CACNA1D: variants seen among roughly 807,000 people sequenced by gnomAD.
The protein encoded by CACNA1D is calcium voltage-gated channel subunit alpha1 D, also known as voltage-dependent L-type calcium channel subunit alpha-1D.
In CACNA1D, 55 loss-of-function variants were observed where a neutral mutation model predicts 257.1. The observed-to-expected ratio is 0.21, with a 90% CI of 0.17 to 0.27. The LOEUF (loss-of-function observed/expected upper bound fraction) is 0.27, where lower values mean the gene tolerates loss of function less well. CACNA1D is among the 10% of genes least tolerant of loss of function. The probability of loss-of-function intolerance (pLI) is 1.00; values close to 1 mark genes in which losing one functional copy is unlikely to be tolerated. For missense variants in CACNA1D, 1,876 were observed against 2,784.0 expected, an observed-to-expected ratio of 0.67 and a Z score of 7.34; for synonymous variants, 980 against 1,014.9, an observed-to-expected ratio of 0.97 and a Z score of 0.65.
In CACNA1D at chr3:53,524,710, A is replaced by G. The variant is rs192280313; in HGVS notation, c.483+22990A>G. 1.2e-3 allele frequency among the ~76,000 whole-genome samples: 184 copies of G among 152,286 alleles called. 1 individual carries two copies. The highest frequency in any genetic ancestry group is 5.9e-5 in the Non-Finnish European group (4 of 68,016). ...GGGCCTAAGTTTCTCTGGTTGGAGC[A>G]GAGTAAGTTTTCAGGCTGAATTTCT... On this transcript the variant is annotated intron_variant, in intron 3 of 47. Transcript: ENST00000350061.
Position 53,751,837 on chromosome 3 carries a change from T to G in CACNA1D, c.3605T>G (p.Val1202Gly). 6.2e-7 allele frequency: 1 copy of G among 1,614,088 alleles called. No homozygotes were observed. Among genetic ancestry groups the G allele is most frequent in the African/African-American group, 1.3e-5 (1 of 75,050 alleles). ...TACCAGTACAAGTTCTGGTACGTGG[T>G]GAACTCTTCGCCTTTCGAATACATG... is the stretch of plus-strand genomic sequence containing the variant. The part of the protein sequence containing the change: ...NPYQYKFWYV[V>G]NSSPFEYMMF... Residue 1202 changes from valine (V) to glycine (G), a missense_variant, in exon 28 of 48, where the codon GTG (valine) becomes GGG (glycine). Physicochemically the swap from Val to Gly is moderately radical, Grantham distance 109. Around this residue, in one of 10 missense-constraint regions of CACNA1D, gnomAD observed 204 missense variants for 309.4 expected, o/e 0.66. Coordinates refer to ENST00000350061, the MANE Select transcript of CACNA1D (RefSeq NM_001128840.3). The surrounding 1 kb of genome is among the most constrained non-coding windows in gnomAD (Gnocchi z 4.3).
chr3:53,655,537 G>A (rs1162616870), intron 4 of CACNA1D, among the ~76,000 whole-genome samples: 1 of 152,120 alleles, frequency 6.6e-6, no homozygotes, highest in Non-Finnish European at 1.5e-5. Flanking sequence ...GTATCTCGTG[G>A]TTTTGATTTG....
chr3:53,803,553 A>G lies in CACNA1D; in HGVS notation c.5566A>G (p.Ser1856Gly), dbSNP rs2095546912. Residue 1856 changes from serine to glycine, a missense_variant, in exon 44 of 48, where the codon AGC (serine) becomes GGC (glycine). Physicochemically the swap from Ser to Gly is moderately conservative, Grantham distance 56. Coordinates refer to ENST00000350061, the MANE Select transcript of CACNA1D (RefSeq NM_001128840.3). ...FSSEECYEDD[S>G]SPTWSRQNYG... ...TAGTGAGGAATGCTACGAGGATGACAGCTCGCCCACCTGGAGCAGGTGAGC... is the reference window on the plus strand; with the variant it reads ...TAGTGAGGAATGCTACGAGGATGACGGCTCGCCCACCTGGAGCAGGTGAGC... 6.2e-7 allele frequency: 1 copy of G among 1,614,136 alleles called. No individual in the cohort carries two copies. The highest frequency in any genetic ancestry group is 8.5e-7 in the Non-Finnish European group (1 of 1,180,014).
At chr3:53,660,044 C>T (rs2094188173) in intron 4 of CACNA1D, 89 bp from the exon 5 acceptor site, 3 of 1,164,400 alleles carry the variant, frequency 2.6e-6, no homozygotes, top group African/African-American at 3.1e-5. Context: ...ACAGAATTAG[C>T]CCTTTTCAAA....
At chr3:53,511,208 G>A (rs936734343) in intron 3 of CACNA1D, among the ~76,000 whole-genome samples, 2 of 152,014 alleles carry the variant, frequency 1.3e-5, no homozygotes, top group Non-Finnish European at 2.9e-5. Flanking sequence ...TCTTATTTCC[G>A]AAATCTCTGA....
intron 3 of CACNA1D, among the ~76,000 whole-genome samples, chr3:53,548,041 G>T (rs936511546): frequency 6.6e-6 from 1 of 152,166 alleles, no homozygotes; most frequent in African/African-American, 2.4e-5. Context: ...TGGAAGGCAG[G>T]TCTGGCTTGT....
intron 3 of CACNA1D, among the ~76,000 whole-genome samples, chr3:53,554,691 G>A (rs1386938971): frequency 6.6e-6 from 1 of 152,146 alleles, no homozygotes; most frequent in Non-Finnish European, 1.5e-5. Context: ...AGTTTATGTG[G>A]CTTTTGCTGC....
At chr3:53,782,042 C>G (rs2095427843) in intron 39 of CACNA1D, 1 of 185,630 alleles carries the variant, frequency 5.4e-6, no homozygotes, top group Admixed American at 5.7e-5. Context: ...TTGAAAATGT[C>G]CCATGAAAAA....
chr3:53,699,529 G>A (rs2094601264), intron 8 of CACNA1D, among the ~76,000 whole-genome samples: 1 of 152,196 alleles, frequency 6.6e-6, no homozygotes, highest in Admixed American at 6.5e-5. Flanking sequence ...AGGACTAGAA[G>A]CCAGGTCTTC....
chr3:53,801,632 G>A (rs376479339), intron 42 of CACNA1D, among the ~76,000 whole-genome samples: 1 of 152,166 alleles, frequency 6.6e-6, no homozygotes, highest in East Asian at 1.9e-4. Flanking sequence ...TAAGGGCCAC[G>A]TGCCATCCTA....
chr3:53,668,469 A>G (rs1308715325), intron 7 of CACNA1D, among the ~76,000 whole-genome samples: 2 of 152,158 alleles, frequency 1.3e-5, no homozygotes, highest in Non-Finnish European at 2.9e-5. Context: ...TAATACTTTG[A>G]CAGTATAATT....
chr3:53,679,466 A>T (rs1361344695), intron 8 of CACNA1D: 1 of 152,050 alleles, frequency 6.6e-6, no homozygotes, highest in Non-Finnish European at 1.5e-5. Flanking sequence ...TGGGGTAGCC[A>T]GGATATCGGC....
At chr3:53,525,160 T>C (rs543031577) in intron 3 of CACNA1D, among the ~76,000 whole-genome samples, 20 of 152,284 alleles carry the variant, frequency 1.3e-4, no homozygotes, top group African/African-American at 4.1e-4. Context: ...CTTACTCGAG[T>C]TGGCAAGGAC....
chr3:53,718,119 C>T lies in CACNA1D; in HGVS notation c.1391-182C>T, dbSNP rs186025688. Among the ~76,000 whole-genome samples the T allele has an allele frequency of 4.8e-3, 729 of 152,278 alleles. 3 individuals carry two copies. The highest frequency in any genetic ancestry group is 7.1e-3 in the Non-Finnish European group (482 of 68,006). On this transcript the variant is annotated intron_variant, in intron 9 of 47. Coordinates refer to ENST00000350061, the MANE Select transcript of CACNA1D (RefSeq NM_001128840.3). ...CCTACAGGCCATGGGTGCAGAGACT[C>T]GCCTGCAGTGGAGATGCCTGGCTCC...
intron 3 of CACNA1D, among the ~76,000 whole-genome samples, chr3:53,565,324 A>G (rs925834623): frequency 6.6e-6 from 1 of 152,020 alleles, no homozygotes; most frequent in Non-Finnish European, 1.5e-5. Flanking sequence ...ATAATTTTTG[A>G]CTGTAACACA....
chr3:53,525,829 G>A (rs1024286625), intron 3 of CACNA1D, among the ~76,000 whole-genome samples: 26 of 152,142 alleles, frequency 1.7e-4, no homozygotes, highest in Admixed American at 1.2e-3. Flanking sequence ...ACCCAGCACA[G>A]ACTAGATTAA....
chr3:53,525,971 A>C (rs1446381898), intron 3 of CACNA1D, among the ~76,000 whole-genome samples: 2 of 152,108 alleles, frequency 1.3e-5, no homozygotes, highest in African/African-American at 4.8e-5. Context: ...CTGTATGTTG[A>C]TTCCATTCTC....
At chr3:53,629,645 A>G (rs758748816) in intron 3 of CACNA1D, among the ~76,000 whole-genome samples, 1 of 152,092 alleles carries the variant, frequency 6.6e-6, no homozygotes, top group African/African-American at 2.4e-5. Flanking sequence ...TTGCTCACAC[A>G]CATTCCCTCC....
intron 39 of CACNA1D, chr3:53,782,012 A>T (rs2095427692): frequency 7.4e-6 from 2 of 269,202 alleles, no homozygotes; most frequent in Non-Finnish European, 1.4e-5. Flanking sequence ...ACTAGTTTCC[A>T]ATTACCCTTC....
Sources: allele counts gnomAD v4.1 joint callset (sites outside exome capture counted in the v4.1 genomes callset), GRCh38; gene constraint gnomAD v4.1.1; regional missense constraint gnomAD v4.1.1; non-coding constraint Gnocchi (gnomAD v3.1); transcripts MANE v1.5; gene names NCBI Gene and HGNC (gene_info 2026-07-23, HGNC 2026-07-21).